The following ROBO1 variants were observed in gnomAD, a reference collection of about 807,000 sequenced individuals.
ROBO1 encodes roundabout homolog 1.
ROBO1 carries 149 observed loss-of-function variants against 195.9 expected under a neutral mutation model. The observed-to-expected ratio is 0.76, with a 90% CI of 0.67 to 0.87. The LOEUF (loss-of-function observed/expected upper bound fraction) is 0.87. ROBO1 is among the 40% of genes least tolerant of loss of function. ROBO1 has a pLI of 0.00. For missense variants in ROBO1, 1,933 were observed against 2,068.3 expected, an observed-to-expected ratio of 0.93 and a Z score of 1.27; for synonymous variants, 816 against 733.2, an observed-to-expected ratio of 1.11 and a Z score of -1.82.
chr3:78,619,712 T>C (rs1000442975), intron 26 of ROBO1, among the ~76,000 whole-genome samples: 1 of 151,788 alleles, frequency 6.6e-6, no homozygotes, highest in African/African-American at 2.4e-5. Context: ...AATGCACAAT[T>C]GAGGTTTTAA....
intron 2 of ROBO1, among the ~76,000 whole-genome samples, chr3:79,288,942 A>G (rs1254469289): frequency 1.3e-5 from 2 of 152,164 alleles, no homozygotes; most frequent in African/African-American, 4.8e-5. Flanking sequence ...CACATCAGGA[A>G]ATATAAAACT....
At chr3:79,650,421 T>A (rs1165977430) in intron 1 of ROBO1, among the ~76,000 whole-genome samples, 1 of 151,752 alleles carries the variant, frequency 6.6e-6, no homozygotes, top group Non-Finnish European at 1.5e-5. Flanking sequence ...AATATTGTAA[T>A]TCTTTAAAAA....
At chr3:79,661,713 A>G (rs575486712) in intron 1 of ROBO1, among the ~76,000 whole-genome samples, 1 of 152,142 alleles carries the variant, frequency 6.6e-6, no homozygotes, top group South Asian at 2.1e-4. Flanking sequence ...ATATCCTACC[A>G]TAAAATTGCC....
intron 2 of ROBO1, among the ~76,000 whole-genome samples, chr3:79,388,628 C>G (rs2036839912): frequency 6.6e-6 from 1 of 152,038 alleles, no homozygotes; most frequent in Admixed American, 6.6e-5. Flanking sequence ...CACATGGAAG[C>G]CCACTTTAGA....
chr3:78,666,599 A>C lies in ROBO1; in HGVS notation c.1966+1284T>G, dbSNP rs371710383. 8.5e-4 allele frequency among the ~76,000 whole-genome samples: 129 copies of C among 152,312 alleles called. 3 individuals are homozygous for C. Among genetic ancestry groups the C allele is most frequent in the South Asian group, 1.0e-3 (5 of 4,822 alleles). ...CTCAGACTGCCTTAAGGCAGGCTGCAAGTATAGTAAAGCTCCTGGAGAGGT... is the reference window on the plus strand; with the variant it reads ...CTCAGACTGCCTTAAGGCAGGCTGCCAGTATAGTAAAGCTCCTGGAGAGGT... On this transcript the variant is annotated intron_variant, in intron 14 of 30. Transcript: ENST00000464233.
intron 2 of ROBO1, among the ~76,000 whole-genome samples, chr3:79,571,343 G>A (rs527681519): frequency 2.0e-5 from 3 of 152,008 alleles, no homozygotes; most frequent in Non-Finnish European, 4.4e-5. Flanking sequence ...TAAGTTATAT[G>A]AGACTTGCTC....
intron 4 of ROBO1, among the ~76,000 whole-genome samples, chr3:78,886,844 T>C (rs985507185): frequency 2.0e-5 from 3 of 152,088 alleles, no homozygotes; most frequent in Non-Finnish European, 2.9e-5. Context: ...CCAGGTAGTA[T>C]GACTTTGGGA....
chr3:79,578,945 C>T (rs116784180), intron 2 of ROBO1, among the ~76,000 whole-genome samples: 196 of 152,266 alleles, frequency 1.3e-3, no homozygotes, highest in African/African-American at 4.5e-3. Flanking sequence ...AGTGAACATT[C>T]GTACGCTTAT....
intron 1 of ROBO1, among the ~76,000 whole-genome samples, chr3:79,674,650 T>G (rs1946728223): frequency 6.6e-6 from 1 of 151,936 alleles, no homozygotes; most frequent in Non-Finnish European, 1.5e-5. Flanking sequence ...CAAAATAAAC[T>G]TTAGGGTCAT....
chr3:79,444,597 A>G (rs1258341545), intron 2 of ROBO1, among the ~76,000 whole-genome samples: 1 of 152,060 alleles, frequency 6.6e-6, no homozygotes, highest in African/African-American at 2.4e-5. Flanking sequence ...AAGCAATTCA[A>G]CTCCTAGATT....
In ROBO1 at chr3:78,635,981, G is replaced by C. The variant is rs1282922187; in HGVS notation, c.3165C>G (p.Ser1055Arg). 2 of 1,613,838 alleles carry C rather than the reference G, an allele frequency of 1.2e-6. No individual in the cohort carries two copies. The highest frequency in any genetic ancestry group is 4.5e-5 in the East Asian group (2 of 44,866). The change falls in exon 23 of 31, where the codon AGC (serine) becomes AGG (arginine). Residue 1055 changes from serine (S) to arginine (R), a missense_variant. Ser to Arg is a moderately radical substitution (Grantham distance 110). Transcript: ENST00000464233. ...CAAAACGCCCATCCTTCAGATTTGG[G>C]CTATTGAAGGTTTTCATCTCATTGA... ...NKINEMKTFN[S>R]PNLKDGRFVN...
chr3:79,292,609 C>A (rs1285543783), intron 2 of ROBO1, among the ~76,000 whole-genome samples: 1 of 152,058 alleles, frequency 6.6e-6, no homozygotes, highest in Admixed American at 6.6e-5. Context: ...TTATTGAAGG[C>A]CTTTTCTTTA....
rs189940498 is a variant in ROBO1, at chr3:78,746,093, T to G, written c.657+650A>C. Among the ~76,000 whole-genome samples the G allele has an allele frequency of 1.3e-3, 198 of 152,248 alleles. 1 individual carries two copies. Among genetic ancestry groups the G allele is most frequent in the African/African-American group, 4.5e-3 (187 of 41,556 alleles). ...GACTGAGGTGCTTTAGCCAACATCT[T>G]CCAAGACAAAACAAACAAAGAAGTC... On this transcript the variant is annotated intron_variant, in intron 5 of 30. Coordinates refer to ENST00000464233, the MANE Select transcript of ROBO1 (RefSeq NM_002941.4).
intron 2 of ROBO1, among the ~76,000 whole-genome samples, chr3:79,169,949 C>A (rs914171528): frequency 2.0e-5 from 3 of 152,012 alleles, no homozygotes; most frequent in African/African-American, 4.8e-5. Context: ...TTATTCAGAG[C>A]TTTGAAGTAC....
chr3:79,730,830 T>G (rs949497891), intron 1 of ROBO1, among the ~76,000 whole-genome samples: 13 of 135,958 alleles, frequency 9.6e-5, no homozygotes, highest in Non-Finnish European at 1.8e-4. Flanking sequence ...CAGGCTGGAG[T>G]GCAGTAGCGC....
intron 22 of ROBO1, 75 bp downstream of exon 22, chr3:78,639,669 G>T (rs1264122837): frequency 4.4e-6 from 6 of 1,366,138 alleles, no homozygotes; most frequent in Non-Finnish European, 6.0e-6. Context: ...CCCATGTAGG[G>T]AGAGGGAAAG....
intron 3 of ROBO1, among the ~76,000 whole-genome samples, chr3:79,033,365 TA>T (rs1256310130): frequency 6.6e-6 from 1 of 152,154 alleles, no homozygotes; most frequent in Non-Finnish European, 1.5e-5. Context: ...TTTAAAGAGT[TA>T]TTTACCAATT....
At chr3:78,723,157 G>A (rs1295080496) in intron 5 of ROBO1, among the ~76,000 whole-genome samples, 2 of 152,058 alleles carry the variant, frequency 1.3e-5, no homozygotes, top group African/African-American at 2.4e-5. Flanking sequence ...GTGATGTTGC[G>A]GCTGTTGTAA....
chr3:78,907,914 CA>C lies in ROBO1; in HGVS notation c.499+30686del, dbSNP rs2038019325. ...AACTCCCTTCAGTTAAGAAGGATAA[CA>C]ATAAAATTTCTAAGCATTTTGACTT... is the stretch of plus-strand genomic sequence containing the variant. On this transcript the variant is annotated intron_variant, in intron 4 of 30. Transcript: ENST00000464233. 4.6e-5 allele frequency among the ~76,000 whole-genome samples: 7 copies of C among 151,822 alleles called. No homozygotes were observed. In the South Asian group the frequency reaches 1.2e-3, roughly 27 times the overall value.
Sources: gnomAD v4.1 joint callset for allele counts (sites outside exome capture counted in the v4.1 genomes callset) on GRCh38, gnomAD v4.1.1 for gene constraint, MANE v1.5 for transcripts, NCBI Gene and HGNC (gene_info 2026-07-23, HGNC 2026-07-21) for gene names.